The following NT5C2 variants were observed in gnomAD, a reference collection of about 807,000 sequenced individuals.
The protein encoded by NT5C2 is 5'-nucleotidase, cytosolic II, also known as cytosolic purine 5'-nucleotidase.
In NT5C2, 58 loss-of-function variants were observed where a neutral mutation model predicts 76.1. The observed-to-expected ratio is 0.76, with a 90% CI of 0.62 to 0.95. The LOEUF (loss-of-function observed/expected upper bound fraction) is 0.95. Ranked by LOEUF, NT5C2 falls within the 40% of genes least tolerant of loss-of-function variation. The pLI, the probability that NT5C2 is intolerant of heterozygous loss-of-function variation, is 0.00. For synonymous variants in NT5C2, 229 were observed against 237.4 expected (o/e 0.96, Z 0.32); for missense variants, 478 against 690.3 (o/e 0.69, Z 3.45).
chr10:103,166,458 T>C (rs1271715724), intron 3 of NT5C2, among the ~76,000 whole-genome samples: 9 of 152,232 alleles, frequency 5.9e-5, no homozygotes, highest in African/African-American at 1.4e-4. Context: ...GTTGCACGTA[T>C]CAACAGTTCA....
rs78325666 is a variant in NT5C2, at chr10:103,180,902, C to T, written c.-25+283G>A. On this transcript the variant is annotated intron_variant, in intron 2 of 18. Coordinates refer to ENST00000404739, the MANE Select transcript of NT5C2 (RefSeq NM_001351169.2). ...TTTACATGCAAAACATTAAAAAATTCGTAATAACTACACTGAGTGAAAGAA... is the reference window on the plus strand; with the variant it reads ...TTTACATGCAAAACATTAAAAAATTTGTAATAACTACACTGAGTGAAAGAA... Among the ~76,000 whole-genome samples, 76 of 152,064 alleles carry T rather than the reference C, an allele frequency of 5.0e-4. 2 individuals are homozygous for T. The East Asian group carries it at 0.014, about 27-fold the overall frequency.
intron 5 of NT5C2, 47 bp from the exon 6 acceptor site, chr10:103,105,848 A>C (rs763897166): frequency 6.1e-6 from 8 of 1,309,778 alleles, no homozygotes; most frequent in Non-Finnish European, 7.7e-6. Context: ...TAATACAGGC[A>C]ATAATTTTAT....
intron 3 of NT5C2, among the ~76,000 whole-genome samples, chr10:103,145,159 T>C (rs1396526968): frequency 1.3e-5 from 2 of 152,168 alleles, no homozygotes; most frequent in African/African-American, 4.8e-5. Flanking sequence ...AAGCCAAATA[T>C]AGTTATTTGG....
chr10:103,097,305 A>T lies in NT5C2; in HGVS notation c.757T>A (p.Tyr253Asn). 1 of 1,612,464 alleles carries T rather than the reference A, an allele frequency of 6.2e-7. No homozygotes were observed. Among genetic ancestry groups the T allele is most frequent in the South Asian group, 1.1e-5 (1 of 90,958 alleles). Residue 253 changes from tyrosine to asparagine, a missense_variant, in exon 11 of 19, where the codon TAT becomes AAT. By Grantham distance (143) the Tyr-to-Asn change is moderately radical (BLOSUM62 -2). Coordinates refer to ENST00000404739, the MANE Select transcript of NT5C2 (RefSeq NM_001351169.2). ...GKVFLATNSD[Y>N]KYTDKIMTYL... ...GAAGCACTTACATCTGTATATTTAT[A>T]GTCACTGTTGGTAGCAAGAAATACT...
At chr10:103,167,383 A>T (rs7896433) in intron 3 of NT5C2, among the ~76,000 whole-genome samples, 2,218 of 152,164 alleles carry the variant, frequency 0.015, 59 homozygotes, top group African/African-American at 0.05. Flanking sequence ...TTTCCGCATG[A>T]TTTTCAATTT....
chr10:103,090,803 A>G lies in NT5C2; in HGVS notation c.1273-16T>C, dbSNP rs1376566354. 1.2e-6 allele frequency: 2 copies of G among 1,613,288 alleles called. No homozygotes were observed. The highest frequency in any genetic ancestry group is 4.5e-5 in the East Asian group (2 of 44,874). On this transcript the variant is annotated splice_polypyrimidine_tract_variant and intron_variant, in intron 17 of 18. Transcript: ENST00000404739. Reference sequence around the variant, plus strand: ...GAGTTACTTTCTAAAACAAAGAACAAGATTGATTCTTGGCTCATTCAACAA... The same window carrying G: ...GAGTTACTTTCTAAAACAAAGAACAGGATTGATTCTTGGCTCATTCAACAA...
chr10:103,141,069 C>T (rs2080332530), intron 3 of NT5C2, among the ~76,000 whole-genome samples: 1 of 152,022 alleles, frequency 6.6e-6, no homozygotes, highest in Non-Finnish European at 1.5e-5. Context: ...GTGTCCTATC[C>T]AAAAAAATCA....
At chr10:103,139,271 A>T in intron 4 of NT5C2, 135 bp downstream of exon 4, 1 of 515,382 alleles carries the variant, frequency 1.9e-6, no homozygotes, top group East Asian at 3.2e-5. Flanking sequence ...TCTTACTGGA[A>T]GCAACCTGAT....
chr10:103,180,671 T>C (rs965283648), intron 2 of NT5C2, among the ~76,000 whole-genome samples: 2 of 152,084 alleles, frequency 1.3e-5, no homozygotes, highest in Admixed American at 6.6e-5. Flanking sequence ...TGAGCCAAGA[T>C]TGTCTCGTGC....
chr10:103,093,448 A>T (rs1384745040), intron 14 of NT5C2, 139 bp from the exon 15 acceptor site: 2 of 759,456 alleles, frequency 2.6e-6, no homozygotes, highest in African/African-American at 1.8e-5. Flanking sequence ...AAGACTCACC[A>T]TTCTCTTTTT....
intron 12 of NT5C2, among the ~76,000 whole-genome samples, chr10:103,095,461 T>C (rs2067957841): frequency 6.6e-6 from 1 of 152,230 alleles, no homozygotes; most frequent in Admixed American, 6.5e-5. Context: ...AGTGCAGCCG[T>C]ACTGCAGAAA....
intron 15 of NT5C2, among the ~76,000 whole-genome samples, chr10:103,091,886 G>A (rs1030335021): frequency 2.0e-5 from 3 of 152,096 alleles, no homozygotes; most frequent in East Asian, 1.9e-4. Flanking sequence ...CCAGCTGCAC[G>A]CTCATTCTGA....
rs138306206 is a variant in NT5C2, at chr10:103,140,926, C to A, written c.102-1447G>T. Among the ~76,000 whole-genome samples, 114 of 152,014 alleles carry A rather than the reference C, an allele frequency of 7.5e-4. 1 individual carries two copies. Among genetic ancestry groups the A allele is most frequent in the African/African-American group, 2.7e-3 (111 of 41,446 alleles). On this transcript the variant is annotated intron_variant, in intron 3 of 18. Coordinates refer to ENST00000404739, the MANE Select transcript of NT5C2 (RefSeq NM_001351169.2). ...TCCTCATATATTTTAGATGTTAATC[C>A]CTTAACAGATACATGGTTCGCAAAC...
intron 6 of NT5C2, among the ~76,000 whole-genome samples, chr10:103,104,936 C>T (rs1451521392): frequency 6.6e-6 from 1 of 152,092 alleles, no homozygotes; most frequent in Non-Finnish European, 1.5e-5. Flanking sequence ...GTTGTTCTGA[C>T]CTTAATACAA....
intron 4 of NT5C2, among the ~76,000 whole-genome samples, chr10:103,125,803 A>G (rs2135846557): frequency 6.6e-6 from 1 of 152,364 alleles, no homozygotes; most frequent in Non-Finnish European, 1.5e-5. Context: ...GGTAACAACA[A>G]ATTCAGCAAT....
intron 3 of NT5C2, among the ~76,000 whole-genome samples, chr10:103,144,321 C>T (rs1472056544): frequency 6.6e-6 from 1 of 151,984 alleles, no homozygotes; most frequent in Non-Finnish European, 1.5e-5. Flanking sequence ...GAGAAGTATG[C>T]GGAACGACAT....
intron 4 of NT5C2, among the ~76,000 whole-genome samples, chr10:103,127,608 A>G (rs1450841622): frequency 6.6e-6 from 1 of 152,226 alleles, no homozygotes; most frequent in African/African-American, 2.4e-5. Flanking sequence ...TAATACAAGA[A>G]AGGCCATCAA....
intron 4 of NT5C2, among the ~76,000 whole-genome samples, chr10:103,125,898 G>C (rs1426994176): frequency 6.6e-6 from 1 of 152,140 alleles, no homozygotes; most frequent in Non-Finnish European, 1.5e-5. Flanking sequence ...TCATTTTGTG[G>C]AGAGTGCATA....
At chr10:103,158,893 TATAA>T (rs1271598854) in intron 3 of NT5C2, among the ~76,000 whole-genome samples, 1 of 150,466 alleles carries the variant, frequency 6.6e-6, no homozygotes, top group Non-Finnish European at 1.5e-5. Flanking sequence ...GATATAATAC[TATAA>T]ATAACTATAT....
Sources: gnomAD v4.1 joint callset for allele counts (sites outside exome capture counted in the v4.1 genomes callset) on GRCh38, gnomAD v4.1.1 for gene constraint, MANE v1.5 for transcripts, NCBI Gene and HGNC (gene_info 2026-07-23, HGNC 2026-07-21) for gene names.